The following ENTPD1 variants were observed in gnomAD, a reference collection of about 807,000 sequenced individuals.
ENTPD1 encodes the protein ectonucleoside triphosphate diphosphohydrolase 1.
In ENTPD1, 33 loss-of-function variants were observed where a neutral mutation model predicts 57.0. The observed-to-expected ratio is 0.58, with a 90% CI of 0.44 to 0.77. The LOEUF is 0.77. ENTPD1 is among the 30% of genes least tolerant of loss of function. ENTPD1 has a pLI of 0.00. For synonymous variants in ENTPD1, 202 were observed against 218.8 expected, an observed-to-expected ratio of 0.92 and a Z score of 0.68; for missense variants, 501 against 603.4, an observed-to-expected ratio of 0.83 and a Z score of 1.78.
intron 1 of ENTPD1, among the ~76,000 whole-genome samples, chr10:95,783,061 T>A (rs2098164292): frequency 6.6e-6 from 1 of 152,082 alleles, no homozygotes; most frequent in African/African-American, 2.4e-5. Context: ...AGTGTATGTA[T>A]CCGTTGTCTC....
chr10:95,869,702 A>G lies in ENTPD1; in HGVS notation c.*3319A>G, dbSNP rs2098478406. The G allele has an allele frequency of 6.3e-6, 6 of 952,082 alleles. No homozygotes were observed. The highest frequency in any genetic ancestry group is 4.9e-5 in the South Asian group (1 of 20,588). 59.0% of individuals were successfully genotyped at this position (952,082 alleles called of 1,614,324 possible). A position where few individuals can be genotyped will look rare whatever the true frequency, so the allele number is the denominator to read the frequency against. Reference sequence around the variant, plus strand: ...TTTTTTAAAATTACACTTCATTTTAATGTTGTATCAGTCAAGGTCCCTGCA... The same window carrying G: ...TTTTTTAAAATTACACTTCATTTTAGTGTTGTATCAGTCAAGGTCCCTGCA... On this transcript the variant is annotated 3_prime_UTR_variant, in exon 10 of 10. Coordinates refer to ENST00000371205, the MANE Select transcript of ENTPD1 (RefSeq NM_001776.6).
At chr10:95,795,040 A>ACCC (rs2098220631) in intron 1 of ENTPD1, among the ~76,000 whole-genome samples, 1 of 152,166 alleles carries the variant, frequency 6.6e-6, no homozygotes, top group Non-Finnish European at 1.5e-5. Flanking sequence ...TGATGTGATT[A>ACCC]TATAGACCCT....
upstream of ENTPD1, chr10:95,754,338 A>G (rs1430619665): frequency 6.6e-6 from 1 of 150,888 alleles, no homozygotes; most frequent in Non-Finnish European, 1.5e-5. Flanking sequence ...AGAACCTAAT[A>G]TCCTAATGTA....
chr10:95,876,984 T>C lies in ENTPD1; in HGVS notation c.*10601T>C, dbSNP rs919194192. 1.3e-5 allele frequency among the ~76,000 whole-genome samples: 2 copies of C among 152,224 alleles called. No homozygotes were observed. Among genetic ancestry groups the C allele is most frequent in the African/African-American group, 4.8e-5 (2 of 41,464 alleles). The stretch of plus-strand genomic sequence containing the variant: ...GACAGTGCATCCAGAGGAAGGCACC[T>C]TGCTGAATGACTAGAATGGAAGTAG... On this transcript the variant is annotated 3_prime_UTR_variant, in exon 10 of 10. Transcript: ENST00000371205.
chr10:95,712,031 C>T (rs754169744), intron 1 of ENTPD1: 8 of 1,609,364 alleles, frequency 5.0e-6, no homozygotes, highest in Non-Finnish European at 5.9e-6. Context: ...CGGCCTCTCT[C>T]CCTCTGTGGA....
At chr10:95,803,807 G>C (rs2098260730) in intron 1 of ENTPD1, among the ~76,000 whole-genome samples, 1 of 152,198 alleles carries the variant, frequency 6.6e-6, no homozygotes. Flanking sequence ...CATTGCCTAG[G>C]TTTTCTTCTA....
chr10:95,715,817 A>C (rs4918962), intron 1 of ENTPD1, among the ~76,000 whole-genome samples: 75,737 of 151,936 alleles, frequency 0.5, 19,365 homozygotes, highest in East Asian at 0.74. Flanking sequence ...AGCAGCCACT[A>C]CCATTTCCCT....
intron 1 of ENTPD1, among the ~76,000 whole-genome samples, chr10:95,811,133 C>G (rs1224108574): frequency 6.6e-6 from 1 of 152,198 alleles, no homozygotes; most frequent in Non-Finnish European, 1.5e-5. Flanking sequence ...TACATAACCC[C>G]AGAGGGGCAG....
intron 7 of ENTPD1, among the ~76,000 whole-genome samples, chr10:95,856,525 GA>G (rs2098455042): frequency 6.6e-6 from 1 of 151,986 alleles, no homozygotes; most frequent in Admixed American, 6.6e-5. Flanking sequence ...GTCATTGTAT[GA>G]AAAAGACACT....
Position 95,866,672 on chromosome 10 carries a change from T to C in ENTPD1, c.*289T>C. On this transcript the variant is annotated 3_prime_UTR_variant, in exon 10 of 10. Coordinates refer to ENST00000371205, the MANE Select transcript of ENTPD1 (RefSeq NM_001776.6). ...TAAAGACCTGACACCTTTCATAATCTTTGCTTTATAAAAGAACAATATTGA... is the reference window on the plus strand; with the variant it reads ...TAAAGACCTGACACCTTTCATAATCCTTGCTTTATAAAAGAACAATATTGA... The C allele has an allele frequency of 8.0e-7, 1 of 1,247,322 alleles. No individual in the cohort carries two copies. The highest frequency in any genetic ancestry group is 1.6e-5 in the South Asian group (1 of 61,816). The allele number at this position is 1,247,322 out of a possible 1,614,324, so 77.3% of individuals were successfully genotyped here. A position where few individuals can be genotyped will look rare whatever the true frequency, so the allele number is the denominator to read the frequency against.
chr10:95,800,789 C>T (rs11188489), intron 1 of ENTPD1, among the ~76,000 whole-genome samples: 37,205 of 152,092 alleles, frequency 0.24, 5,879 homozygotes, highest in Admixed American at 0.37. Context: ...TATCTTTCCT[C>T]GTTCCCTGAA....
intron 1 of ENTPD1, among the ~76,000 whole-genome samples, chr10:95,724,940 AT>A (rs1219836698): frequency 6.6e-6 from 1 of 152,024 alleles, no homozygotes; most frequent in Admixed American, 6.6e-5. Context: ...TTTTCTGCTC[AT>A]TTTTTCTCTC....
intron 1 of ENTPD1, among the ~76,000 whole-genome samples, chr10:95,763,509 G>A (rs2098075550): frequency 6.6e-6 from 1 of 152,164 alleles, no homozygotes; most frequent in African/African-American, 2.4e-5. Flanking sequence ...TGAAGAAGCT[G>A]TATGTTTTTA....
intron 8 of ENTPD1, among the ~76,000 whole-genome samples, chr10:95,862,437 G>C (rs1359480617): frequency 1.3e-5 from 2 of 152,248 alleles, no homozygotes; most frequent in African/African-American, 4.8e-5. Context: ...CTTTGGTAGA[G>C]AGATAATTAA....
intron 1 of ENTPD1, among the ~76,000 whole-genome samples, chr10:95,760,809 T>A (rs2098055292): frequency 7.7e-6 from 1 of 130,356 alleles, no homozygotes; most frequent in African/African-American, 2.9e-5. Flanking sequence ...TACATAGAGT[T>A]TATTCTTTTT....
rs113621669 is a variant in ENTPD1 at position 95,711,905 on chromosome 10, T to G, written c.-52T>G. The G allele has an allele frequency of 2.5e-6, 4 of 1,612,142 alleles. No homozygotes were observed. In the South Asian group the frequency reaches 4.4e-5, roughly 18 times the overall value. ...GGAAGTTTTCCTTGGCCCCTCCAGT[T>G]TTGGTGCTGTGAACAGGATACCAAA... On this transcript the variant is annotated 5_prime_UTR_variant, in exon 1 of 10. Transcript: ENST00000453258.
chr10:95,871,924 G>C lies in ENTPD1; in HGVS notation c.*5541G>C. ...AAGAAAAAGTCTTGGGAGCTAGTCA[G>C]GGAATAGTGTGTATTTGCAATTACC... On this transcript the variant is annotated 3_prime_UTR_variant, in exon 10 of 10. Coordinates refer to ENST00000371205, the MANE Select transcript of ENTPD1 (RefSeq NM_001776.6). 4 of 985,400 alleles carry C rather than the reference G, an allele frequency of 4.1e-6. No individual in the cohort carries two copies. The highest frequency in any genetic ancestry group is 4.8e-6 in the Non-Finnish European group (4 of 829,924). 61.0% of individuals were successfully genotyped at this position (985,400 alleles called of 1,614,324 possible).
At chr10:95,860,436 A>C in intron 7 of ENTPD1, 33 bp from the exon 8 acceptor site, 1 of 1,573,914 alleles carries the variant, frequency 6.4e-7, no homozygotes, top group Non-Finnish European at 8.7e-7. Flanking sequence ...CTCTGTGTGG[A>C]ACACAGCCTA....
At chr10:95,829,267 G>A (rs898185867) in intron 2 of ENTPD1, among the ~76,000 whole-genome samples, 9 of 152,190 alleles carry the variant, frequency 5.9e-5, no homozygotes, top group African/African-American at 1.9e-4. Flanking sequence ...GGCCACTGAG[G>A]CTTGATCCTC....
Sources: allele counts gnomAD v4.1 joint callset (sites outside exome capture counted in the v4.1 genomes callset), GRCh38; gene constraint gnomAD v4.1.1; transcripts MANE v1.5; gene names NCBI Gene and HGNC (gene_info 2026-07-23, HGNC 2026-07-21).